Variants in CDH13 observed in about 807,000 individuals in gnomAD.
CDH13 encodes cadherin 13, also known as cadherin-13.
Under a neutral mutation model 63.8 loss-of-function variants are expected in CDH13, and 24 were observed. The ratio of observed to expected loss-of-function variants is 0.38; its 90% confidence interval spans 0.27 to 0.53. CDH13 has a LOEUF of 0.53. Ranked by LOEUF, CDH13 falls within the 20% of genes least tolerant of loss-of-function variation. The probability of loss-of-function intolerance (pLI) is 0.85; values close to 1 mark genes in which losing one functional copy is unlikely to be tolerated. For missense variants in CDH13, 1,049 were observed against 903.1 expected (o/e 1.16, Z -2.07); for synonymous variants, 503 against 355.3 (o/e 1.42, Z -4.67).
chr16:83,765,538 C>CTA lies in CDH13; in HGVS notation c.1682-14415_1682-14414dup, dbSNP rs71717215. On this transcript the variant is annotated intron_variant, in intron 11 of 13. Coordinates refer to ENST00000567109, the MANE Select transcript of CDH13 (RefSeq NM_001257.5). ...TTGTTGGCTTACTATTAACATTTTT[C>CTA]TATATATATATATATACACACACAC... is the stretch of plus-strand genomic sequence containing the variant. 9.5e-3 allele frequency among the ~76,000 whole-genome samples: 1,428 copies of CTA among 150,888 alleles called. 21 individuals are homozygous for CTA. Among genetic ancestry groups the CTA allele is most frequent in the African/African-American group, 0.032 (1,329 of 41,046 alleles).
intron 5 of CDH13, among the ~76,000 whole-genome samples, chr16:83,250,462 G>C (rs1046280302): frequency 4.6e-5 from 7 of 152,178 alleles, no homozygotes; most frequent in African/African-American, 1.4e-4. Context: ...GGGAAAGGAA[G>C]TGATAGCAGA....
At chr16:83,106,371 C>G (rs2034765111) in intron 3 of CDH13, among the ~76,000 whole-genome samples, 1 of 152,046 alleles carries the variant, frequency 6.6e-6, no homozygotes, top group South Asian at 2.1e-4. Context: ...AACCCTGTCT[C>G]TACTAAAGAT....
At chr16:83,000,216 T>A (rs867755333) in intron 2 of CDH13, among the ~76,000 whole-genome samples, 92 of 133,972 alleles carry the variant, frequency 6.9e-4, no homozygotes, top group Middle Eastern at 3.7e-3. Flanking sequence ...ATCCACAGGT[T>A]TAGCTTATTT....
At chr16:83,301,650 C>G (rs573929743) in intron 5 of CDH13, among the ~76,000 whole-genome samples, 1 of 152,152 alleles carries the variant, frequency 6.6e-6, no homozygotes, top group Admixed American at 6.5e-5. Context: ...GGAGGCTTTA[C>G]GAAGAGTTTT....
At chr16:82,718,952 C>G (rs553571836) in intron 1 of CDH13, among the ~76,000 whole-genome samples, 10 of 152,210 alleles carry the variant, frequency 6.6e-5, no homozygotes, top group South Asian at 4.2e-4. Flanking sequence ...CCATTTGGTG[C>G]GTGTTGGATG....
intron 7 of CDH13, among the ~76,000 whole-genome samples, chr16:83,593,943 C>T (rs1907012878): frequency 6.6e-6 from 1 of 152,188 alleles, no homozygotes; most frequent in Non-Finnish European, 1.5e-5. Flanking sequence ...TGTCTCAAAA[C>T]TTAGTGACTT....
At chr16:83,035,387 C>T (rs1916756112) in intron 3 of CDH13, among the ~76,000 whole-genome samples, 1 of 152,116 alleles carries the variant, frequency 6.6e-6, no homozygotes, top group African/African-American at 2.4e-5. Flanking sequence ...CTGGGCTGGT[C>T]CTCAAAGCAC....
At chr16:82,948,682 A>G (rs1323331926) in intron 2 of CDH13, among the ~76,000 whole-genome samples, 1 of 152,156 alleles carries the variant, frequency 6.6e-6, no homozygotes, top group African/African-American at 2.4e-5. Flanking sequence ...CACTTTCAAA[A>G]TGTTGTCTAG....
intron 2 of CDH13, among the ~76,000 whole-genome samples, chr16:82,921,601 T>G (rs1456773508): frequency 6.6e-6 from 1 of 152,198 alleles, no homozygotes; most frequent in Non-Finnish European, 1.5e-5. Flanking sequence ...TCTGACATCT[T>G]TGGGACCCAT....
intron 1 of CDH13, among the ~76,000 whole-genome samples, chr16:82,660,650 A>G (rs996756229): frequency 2.0e-5 from 3 of 152,202 alleles, no homozygotes; most frequent in Admixed American, 1.3e-4. Context: ...CTTTCACTGT[A>G]TACCTGGGAC....
At chr16:82,708,539 G>C (rs927454256) in intron 1 of CDH13, among the ~76,000 whole-genome samples, 1 of 152,098 alleles carries the variant, frequency 6.6e-6, no homozygotes, top group African/African-American at 2.4e-5. Flanking sequence ...GTCCTATCTT[G>C]GATCTGGCCC....
chr16:82,713,000 C>G (rs2032071250), intron 1 of CDH13, among the ~76,000 whole-genome samples: 2 of 152,066 alleles, frequency 1.3e-5, no homozygotes, highest in African/African-American at 4.8e-5. Context: ...TGTCCTACTC[C>G]CTGGGTGCTT....
chr16:83,522,833 C>A (rs1353907685), intron 7 of CDH13, among the ~76,000 whole-genome samples: 4 of 152,132 alleles, frequency 2.6e-5, no homozygotes, highest in Non-Finnish European at 4.4e-5. Context: ...AGGTTCAATT[C>A]CCCTCCACCC....
chr16:83,324,007 G>A (rs1188533002), intron 5 of CDH13, among the ~76,000 whole-genome samples: 1 of 150,618 alleles, frequency 6.6e-6, no homozygotes, highest in East Asian at 2.0e-4. Context: ...TCCCAGTCAT[G>A]CAACCATCAT....
At chr16:83,668,433 A>G (rs548486814) in intron 8 of CDH13, among the ~76,000 whole-genome samples, 12 of 152,350 alleles carry the variant, frequency 7.9e-5, no homozygotes, top group African/African-American at 2.6e-4. Flanking sequence ...TATGCACTGG[A>G]CATGACAGCG....
At chr16:83,112,975 A>T (rs557727552) in intron 3 of CDH13, among the ~76,000 whole-genome samples, 1 of 152,192 alleles carries the variant, frequency 6.6e-6, no homozygotes, top group Non-Finnish European at 1.5e-5. Context: ...GGTACACATG[A>T]TTCTAGGAAC....
At chr16:83,428,327 A>G (rs913445277) in intron 6 of CDH13, among the ~76,000 whole-genome samples, 15 of 152,144 alleles carry the variant, frequency 9.9e-5, no homozygotes, top group African/African-American at 3.1e-4. Context: ...AAAACATTGG[A>G]AACATACTAC....
chr16:83,465,811 G>T (rs1598085017), intron 6 of CDH13, among the ~76,000 whole-genome samples: 2 of 152,318 alleles, frequency 1.3e-5, no homozygotes, highest in East Asian at 3.9e-4. Context: ...ATTCACAGGT[G>T]TATCAGCCGA....
At chr16:83,014,856 GTA>G (rs200967243) in intron 2 of CDH13, among the ~76,000 whole-genome samples, 15,366 of 107,626 alleles carry the variant, frequency 0.14, 1,395 homozygotes, top group East Asian at 0.33. Context: ...ATATATATTT[GTA>G]TATATATATG....
Sources: gnomAD v4.1 joint callset for allele counts (sites outside exome capture counted in the v4.1 genomes callset) on GRCh38, gnomAD v4.1.1 for gene constraint, MANE v1.5 for transcripts, NCBI Gene and HGNC (gene_info 2026-07-23, HGNC 2026-07-21) for gene names.